CPNE5: variants seen among roughly 807,000 people sequenced by gnomAD.
CPNE5 encodes copine 5.
A neutral mutation model predicts 81.1 loss-of-function variants in CPNE5; 42 were observed. The observed-to-expected ratio is 0.52, with a 90% CI of 0.40 to 0.67. CPNE5 has a LOEUF of 0.67. CPNE5 is among the 30% of genes least tolerant of loss of function. The pLI is 0.00. For missense variants in CPNE5, 612 were observed against 815.5 expected (o/e 0.75, Z 3.04); for synonymous variants, 313 against 321.5 (o/e 0.97, Z 0.28).
At chr6:36,758,661 C>A (rs2150401579) in intron 12 of CPNE5, among the ~76,000 whole-genome samples, 1 of 152,278 alleles carries the variant, frequency 6.6e-6, no homozygotes, top group East Asian at 1.9e-4. Flanking sequence ...ATGGTGAGAA[C>A]AGCGCTGTCA....
chr6:36,784,632 C>T (rs1768354730), intron 8 of CPNE5, among the ~76,000 whole-genome samples: 1 of 152,174 alleles, frequency 6.6e-6, no homozygotes, highest in Non-Finnish European at 1.5e-5. Flanking sequence ...GAGTCGTGCT[C>T]TCTGAGCACA....
chr6:36,784,788 A>G (rs990495093), intron 8 of CPNE5, among the ~76,000 whole-genome samples: 1 of 152,022 alleles, frequency 6.6e-6, no homozygotes, highest in Non-Finnish European at 1.5e-5. Context: ...CTAAAAATAC[A>G]TAAAAATAGC....
chr6:36,823,118 G>C lies in CPNE5; in HGVS notation c.96-20C>G, dbSNP rs1554128074. 5.2e-6 allele frequency: 8 copies of C among 1,552,802 alleles called. No individual in the cohort carries two copies. In the East Asian group the frequency reaches 1.7e-4, roughly 33 times the overall value. On this transcript the variant is annotated intron_variant, in intron 1 of 20. Coordinates refer to ENST00000244751, the MANE Select transcript of CPNE5 (RefSeq NM_020939.2). ...AGGTTCCTGAAAGAGGGGGAGAGAG[G>C]AGGGGTTAGCACGGCCAGCTGAGAG...
chr6:36,764,806 C>T (rs1216398573), intron 11 of CPNE5, among the ~76,000 whole-genome samples: 1 of 152,186 alleles, frequency 6.6e-6, no homozygotes, highest in East Asian at 1.9e-4. Context: ...AGTCCTGGCT[C>T]TCTGCAAACA....
chr6:36,742,979 C>T (rs1763704423), intron 20 of CPNE5: 2 of 985,390 alleles, frequency 2.0e-6, no homozygotes, highest in African/African-American at 1.7e-5. Context: ...TCCTGAGCGC[C>T]TCTTCTGGCT....
intron 9 of CPNE5, 31 bp downstream of exon 9, chr6:36,778,823 T>C (rs1767774909): frequency 1.4e-6 from 2 of 1,417,676 alleles, no homozygotes; most frequent in Non-Finnish European, 2.0e-6. Flanking sequence ...GACGAGAAGG[T>C]GCAGTGCACA....
At chr6:36,756,336 C>T (rs1162170161) in intron 12 of CPNE5, 38 bp from the exon 13 acceptor site, 2 of 1,588,610 alleles carry the variant, frequency 1.3e-6, no homozygotes, top group Admixed American at 1.7e-5. Flanking sequence ...GGCATGCTTC[C>T]AGGCAGTCAG....
Position 36,763,932 on chromosome 6 carries a change from C to T in CPNE5, c.780-940G>A, listed in dbSNP as rs115036227. Among the ~76,000 whole-genome samples, 319 of 152,236 alleles carry T rather than the reference C, an allele frequency of 2.1e-3. 2 individuals are homozygous for T. Among genetic ancestry groups the T allele is most frequent in the African/African-American group, 7.2e-3 (300 of 41,530 alleles). On this transcript the variant is annotated intron_variant, in intron 11 of 20. Transcript: ENST00000244751. ...CCTTCTGGAGTGCTTACATCAAGCA[C>T]GGCCAAGACTTGTACATGGCAGAAC...
At chr6:36,758,909 C>T (rs1053157058) in intron 12 of CPNE5, among the ~76,000 whole-genome samples, 3 of 152,196 alleles carry the variant, frequency 2.0e-5, no homozygotes, top group Non-Finnish European at 4.4e-5. Context: ...GCCCCCTCCA[C>T]GGGGTTACCC....
intron 15 of CPNE5, among the ~76,000 whole-genome samples, chr6:36,747,915 C>G (rs1212487748): frequency 2.0e-5 from 3 of 152,204 alleles, no homozygotes; most frequent in African/African-American, 7.2e-5. Context: ...GGGATTTGAT[C>G]CCGGGGGGAA....
At chr6:36,818,064 C>T (rs144085686) in intron 3 of CPNE5, among the ~76,000 whole-genome samples, 1 of 152,224 alleles carries the variant, frequency 6.6e-6, no homozygotes, top group East Asian at 1.9e-4. Context: ...TCAGCTCCTC[C>T]ACAGACTGAG....
chr6:36,834,515 G>A (rs998218258), intron 1 of CPNE5, among the ~76,000 whole-genome samples: 8 of 151,884 alleles, frequency 5.3e-5, no homozygotes, highest in African/African-American at 1.7e-4. Context: ...ACTCAGCCGG[G>A]CGTGATGGTG....
Position 36,839,263 on chromosome 6 carries a change from C to T in CPNE5, c.95+20G>A, listed in dbSNP as rs1476043640. 4.6e-6 allele frequency: 7 copies of T among 1,510,462 alleles called. No homozygotes were observed. Among genetic ancestry groups the T allele is most frequent in the Non-Finnish European group, 6.2e-6 (7 of 1,120,824 alleles). The allele number at this position is 1,510,462 out of a possible 1,614,324, so 93.6% of individuals were successfully genotyped here. ...GCGTCCAGGGCCGGGGCAAGGGGACCCGGCCAGCGGGAGGCTCACCTGCAG... is the reference window on the plus strand; with the variant it reads ...GCGTCCAGGGCCGGGGCAAGGGGACTCGGCCAGCGGGAGGCTCACCTGCAG... On this transcript the variant is annotated intron_variant, in intron 1 of 20. Transcript: ENST00000244751. The surrounding 1 kb of genome is among the most constrained non-coding windows in gnomAD (Gnocchi z 7.3).
At chr6:36,757,775 T>A (rs1291663211) in intron 12 of CPNE5, among the ~76,000 whole-genome samples, 1 of 151,964 alleles carries the variant, frequency 6.6e-6, no homozygotes, top group Non-Finnish European at 1.5e-5. Flanking sequence ...GAGCAGGAAG[T>A]CTTGAAGGCA....
chr6:36,827,595 C>T, intron 1 of CPNE5: 1 of 985,400 alleles, frequency 1.0e-6, no homozygotes, highest in Non-Finnish European at 1.2e-6. Context: ...AGGCACAGAC[C>T]ACAACACACA....
intron 1 of CPNE5, among the ~76,000 whole-genome samples, chr6:36,838,415 A>G (rs1246324145): frequency 6.6e-6 from 1 of 152,188 alleles, no homozygotes; most frequent in African/African-American, 2.4e-5. Flanking sequence ...TGAACTAGGG[A>G]AAAATCCCCC....
At chr6:36,807,227 A>T (rs1770675739) in intron 3 of CPNE5, among the ~76,000 whole-genome samples, 1 of 152,204 alleles carries the variant, frequency 6.6e-6, no homozygotes, top group African/African-American at 2.4e-5. Context: ...AAAGCAGTAA[A>T]GTGAAGTCGT....
chr6:36,817,096 C>T (rs953372693), intron 3 of CPNE5, among the ~76,000 whole-genome samples: 4 of 152,200 alleles, frequency 2.6e-5, no homozygotes, highest in African/African-American at 7.2e-5. Flanking sequence ...GAGGCTGAGG[C>T]GGATGGATCA....
At chr6:36,825,442 C>T (rs990057478) in intron 1 of CPNE5, among the ~76,000 whole-genome samples, 2 of 152,160 alleles carry the variant, frequency 1.3e-5, no homozygotes, top group Non-Finnish European at 1.5e-5. Flanking sequence ...CATCCAGGGG[C>T]CACTCCCCAA....
Sources: allele counts gnomAD v4.1 joint callset (sites outside exome capture counted in the v4.1 genomes callset), GRCh38; gene constraint gnomAD v4.1.1; non-coding constraint Gnocchi (gnomAD v3.1); transcripts MANE v1.5; gene names NCBI Gene and HGNC (gene_info 2026-07-23, HGNC 2026-07-21).